Variants in TMEM117 observed in about 807,000 individuals in gnomAD.
TMEM117 encodes transmembrane protein 117.
Under a neutral mutation model 52.4 loss-of-function variants are expected in TMEM117, and 27 were observed. The observed-to-expected ratio is 0.51, with a 90% confidence interval of 0.38 to 0.71. The LOEUF (loss-of-function observed/expected upper bound fraction) is 0.71. TMEM117 is among the 30% of genes least tolerant of loss of function. The probability of loss-of-function intolerance (pLI) is 0.00; values close to 1 mark genes in which losing one functional copy is unlikely to be tolerated. For missense variants in TMEM117, 556 were observed against 630.5 expected, an observed-to-expected ratio of 0.88 and a Z score of 1.26; for synonymous variants, 215 against 206.3, an observed-to-expected ratio of 1.04 and a Z score of -0.36.
chr12:44,227,101 C>G (rs1949871807), intron 5 of TMEM117, among the ~76,000 whole-genome samples: 1 of 152,070 alleles, frequency 6.6e-6, no homozygotes, highest in Non-Finnish European at 1.5e-5. Context: ...TAGGATTGGA[C>G]TTGTTATGCT....
At chr12:44,108,201 T>C (rs1947995802) in intron 3 of TMEM117, among the ~76,000 whole-genome samples, 2 of 152,024 alleles carry the variant, frequency 1.3e-5, no homozygotes, top group African/African-American at 4.8e-5. Context: ...ATTTATTTAT[T>C]TATTTATTTA....
chr12:43,946,252 C>G (rs1020709306), intron 3 of TMEM117, among the ~76,000 whole-genome samples: 2 of 151,958 alleles, frequency 1.3e-5, no homozygotes, highest in African/African-American at 4.8e-5. Context: ...GAACTCAAAG[C>G]ACTGAGAGCA....
At chr12:44,155,958 T>C (rs1948819778) in intron 4 of TMEM117, among the ~76,000 whole-genome samples, 1 of 151,996 alleles carries the variant, frequency 6.6e-6, no homozygotes, top group Non-Finnish European at 1.5e-5. Flanking sequence ...AACTTATCCA[T>C]CCTGTAAAAG....
chr12:44,320,349 C>T (rs75650547), intron 6 of TMEM117, among the ~76,000 whole-genome samples: 3,024 of 152,234 alleles, frequency 0.02, 99 homozygotes, highest in African/African-American at 0.068. Flanking sequence ...TAGTACAAAG[C>T]CCTTTCTCTT....
intron 3 of TMEM117, among the ~76,000 whole-genome samples, chr12:44,102,762 C>A (rs1177156299): frequency 2.0e-5 from 3 of 151,928 alleles, no homozygotes; most frequent in Non-Finnish European, 4.4e-5. Flanking sequence ...GTGTCCCCAC[C>A]CAAATCTCAT....
chr12:44,042,003 G>A (rs986949926), intron 3 of TMEM117, among the ~76,000 whole-genome samples: 30 of 152,232 alleles, frequency 2.0e-4, no homozygotes, highest in African/African-American at 6.5e-4. Flanking sequence ...GAGCAGTCAG[G>A]CAAGAGAGAG....
intron 5 of TMEM117, among the ~76,000 whole-genome samples, chr12:44,217,624 T>G (rs1949734894): frequency 6.6e-6 from 1 of 152,176 alleles, no homozygotes. Context: ...AGGTAGAATC[T>G]ATAGGCAGGT....
chr12:44,006,164 A>G (rs1049750286), intron 3 of TMEM117, among the ~76,000 whole-genome samples: 1 of 152,306 alleles, frequency 6.6e-6, no homozygotes, highest in Non-Finnish European at 1.5e-5. Context: ...GAAAATCAGA[A>G]AAAGAACATT....
At chr12:44,338,033 G>C (rs1051872491) in intron 6 of TMEM117, among the ~76,000 whole-genome samples, 5 of 151,830 alleles carry the variant, frequency 3.3e-5, no homozygotes, top group Non-Finnish European at 5.9e-5. Flanking sequence ...CTTTACGTTA[G>C]AGCTAAAGCT....
At chr12:44,122,161 C>T (rs1378916496) in intron 3 of TMEM117, among the ~76,000 whole-genome samples, 11 of 151,808 alleles carry the variant, frequency 7.2e-5, no homozygotes, top group African/African-American at 2.7e-4. Flanking sequence ...TCTCCTACCT[C>T]AGCCTCCCGA....
intron 3 of TMEM117, among the ~76,000 whole-genome samples, chr12:43,969,157 T>C (rs1300942155): frequency 6.6e-6 from 1 of 151,988 alleles, no homozygotes; most frequent in South Asian, 2.1e-4. Flanking sequence ...CAAGAAAAGA[T>C]AGAAGCAAAA....
At chr12:44,368,914 C>G (rs1345704943) in intron 6 of TMEM117, among the ~76,000 whole-genome samples, 1 of 151,912 alleles carries the variant, frequency 6.6e-6, no homozygotes, top group African/African-American at 2.4e-5. Context: ...TAAGAACTGC[C>G]CACTAGATCA....
At chr12:44,364,589 A>C (rs574664258) in intron 6 of TMEM117, among the ~76,000 whole-genome samples, 3 of 152,220 alleles carry the variant, frequency 2.0e-5, no homozygotes, top group Middle Eastern at 3.4e-3. Flanking sequence ...ATTTATAGGC[A>C]ATGTGTCATC....
intron 6 of TMEM117, among the ~76,000 whole-genome samples, chr12:44,359,552 C>T (rs913267206): frequency 6.6e-6 from 1 of 151,680 alleles, no homozygotes; most frequent in Non-Finnish European, 1.5e-5. Context: ...AATTATAAAC[C>T]ATAATTTGTT....
At chr12:43,877,965 TTGAA>T (rs1173894763) in intron 2 of TMEM117, among the ~76,000 whole-genome samples, 3 of 151,924 alleles carry the variant, frequency 2.0e-5, no homozygotes, top group Non-Finnish European at 1.5e-5. Context: ...TATGATTTGT[TTGAA>T]TGTACAGGAA....
intron 5 of TMEM117, among the ~76,000 whole-genome samples, chr12:44,228,566 G>A (rs571345953): frequency 2.6e-4 from 40 of 152,062 alleles, no homozygotes; most frequent in Non-Finnish European, 4.4e-4. Flanking sequence ...AGAAGATAAA[G>A]CAATGTGGTG....
At chr12:44,100,776 A>G (rs946319216) in intron 3 of TMEM117, among the ~76,000 whole-genome samples, 60 of 151,970 alleles carry the variant, frequency 3.9e-4, no homozygotes, top group African/African-American at 1.2e-3. Context: ...AGTGCTTAAT[A>G]AAAGTACTCA....
intron 5 of TMEM117, among the ~76,000 whole-genome samples, chr12:44,272,489 A>C (rs2138571496): frequency 6.6e-6 from 1 of 152,342 alleles, no homozygotes; most frequent in Middle Eastern, 3.4e-3. Context: ...CAAAGGGCTA[A>C]TATCTAGAAT....
intron 5 of TMEM117, among the ~76,000 whole-genome samples, chr12:44,215,729 T>TAA: frequency 6.8e-6 from 1 of 147,128 alleles, no homozygotes; most frequent in East Asian, 2.0e-4. Flanking sequence ...TAGCTTTTTT[T>TAA]AAAAAAAAAA....
Sources: allele counts gnomAD v4.1 joint callset (sites outside exome capture counted in the v4.1 genomes callset), GRCh38; gene constraint gnomAD v4.1.1; transcripts MANE v1.5; gene names NCBI Gene and HGNC (gene_info 2026-07-23, HGNC 2026-07-21).